The following SCHIP1 variants were observed in gnomAD, a reference collection of about 807,000 sequenced individuals.
The protein encoded by SCHIP1 is schwannomin-interacting protein 1.
Under a neutral mutation model 29.7 loss-of-function variants are expected in SCHIP1, and 8 were observed. The ratio of observed to expected loss-of-function variants is 0.27; its 90% CI spans 0.16 to 0.49. The LOEUF is 0.49. Among genes scored for constraint, SCHIP1 ranks in the 20% least tolerant of loss-of-function variants. SCHIP1 has a pLI of 0.99. For synonymous variants in SCHIP1, 76 were observed against 94.9 expected, an observed-to-expected ratio of 0.80 and a Z score of 1.16; for missense variants, 193 against 294.6, an observed-to-expected ratio of 0.66 and a Z score of 2.52.
the SCHIP1 span, among the ~76,000 whole-genome samples, chr3:159,363,092 C>G: frequency 0.2 from 30,582 of 152,144 alleles, 4,330 homozygotes; most frequent in African/African-American, 0.39. Flanking sequence ...CAAATGTATA[C>G]TTACTCTTCT....
chr3:159,804,279 A>G, the SCHIP1 span, among the ~76,000 whole-genome samples: 1 of 152,170 alleles, frequency 6.6e-6, no homozygotes, highest in Admixed American at 6.5e-5. Flanking sequence ...GAGAGCTGGA[A>G]CTGGAGGCCT....
the SCHIP1 span, among the ~76,000 whole-genome samples, chr3:159,671,902 G>A: frequency 6.6e-6 from 1 of 152,160 alleles, no homozygotes; most frequent in African/African-American, 2.4e-5. Context: ...AAGCCTCCAT[G>A]TATTTCCCCA....
chr3:159,347,316 A>G, the SCHIP1 span, among the ~76,000 whole-genome samples: 3 of 152,328 alleles, frequency 2.0e-5, no homozygotes, highest in Non-Finnish European at 4.4e-5. Flanking sequence ...TAATCTCAGC[A>G]TGTATTTAAA....
At chr3:159,456,612 G>A in the SCHIP1 span, among the ~76,000 whole-genome samples, 5 of 152,260 alleles carry the variant, frequency 3.3e-5, 1 homozygote, top group Admixed American at 2.6e-4. Flanking sequence ...GGGGACAGAA[G>A]GAAGAGGGCG....
At chr3:159,573,958 A>G in the SCHIP1 span, among the ~76,000 whole-genome samples, 7 of 152,214 alleles carry the variant, frequency 4.6e-5, no homozygotes, top group Non-Finnish European at 8.8e-5. Flanking sequence ...TTTCAGCTCC[A>G]TCAGGTCATT....
At chr3:159,325,682 C>A in the SCHIP1 span, among the ~76,000 whole-genome samples, 5 of 151,806 alleles carry the variant, frequency 3.3e-5, no homozygotes, top group Non-Finnish European at 7.4e-5. Context: ...TTGAAAATTT[C>A]TTTTTTTTAA....
At chr3:159,603,320 G>T in the SCHIP1 span, among the ~76,000 whole-genome samples, 1 of 152,156 alleles carries the variant, frequency 6.6e-6, no homozygotes. Flanking sequence ...TCCTTTTGAA[G>T]GATTTATGGA....
the SCHIP1 span, among the ~76,000 whole-genome samples, chr3:159,786,971 C>T: frequency 5.3e-5 from 8 of 152,142 alleles, no homozygotes; most frequent in African/African-American, 1.9e-4. Flanking sequence ...TGAGTAGGTG[C>T]GTGACTGGCC....
At chr3:159,393,466 A>T in the SCHIP1 span, among the ~76,000 whole-genome samples, 1 of 152,178 alleles carries the variant, frequency 6.6e-6, no homozygotes, top group South Asian at 2.1e-4. Context: ...GTAAGTCTTT[A>T]ATCCATCTTG....
At chr3:159,736,187 T>G in the SCHIP1 span, among the ~76,000 whole-genome samples, 2 of 152,338 alleles carry the variant, frequency 1.3e-5, no homozygotes, top group East Asian at 3.9e-4. Flanking sequence ...GTAAGTTATG[T>G]TTCTAATTAG....
the SCHIP1 span, among the ~76,000 whole-genome samples, chr3:159,441,469 T>A: frequency 6.6e-6 from 1 of 151,818 alleles, no homozygotes; most frequent in South Asian, 2.1e-4. Flanking sequence ...AGCAGCCAGG[T>A]TTTTTTTGGC....
chr3:159,779,680 A>G, the SCHIP1 span, among the ~76,000 whole-genome samples: 2 of 151,652 alleles, frequency 1.3e-5, no homozygotes, highest in Non-Finnish European at 2.9e-5. Context: ...TCAAAAAAAA[A>G]AGAAGGATGT....
the SCHIP1 span, among the ~76,000 whole-genome samples, chr3:159,714,578 C>T: frequency 2.5e-4 from 38 of 152,254 alleles, no homozygotes; most frequent in Non-Finnish European, 4.6e-4. Context: ...TCTTAGCAAA[C>T]GGCACACCAG....
the SCHIP1 span, among the ~76,000 whole-genome samples, chr3:159,700,220 A>C: frequency 6.6e-6 from 1 of 152,268 alleles, no homozygotes; most frequent in Non-Finnish European, 1.5e-5. Flanking sequence ...TGCAGTATAC[A>C]CAGGAAATAG....
At chr3:159,411,581 A>G in the SCHIP1 span, among the ~76,000 whole-genome samples, 1 of 152,162 alleles carries the variant, frequency 6.6e-6, no homozygotes, top group South Asian at 2.1e-4. Context: ...TAAATAATAA[A>G]TCTTAGAAGT....
the SCHIP1 span, among the ~76,000 whole-genome samples, chr3:159,801,116 T>C: frequency 1.3e-5 from 2 of 152,130 alleles, no homozygotes; most frequent in Admixed American, 6.6e-5. Context: ...TAGTCTCTCA[T>C]TATATCAAAT....
At chr3:159,522,243 G>T in the SCHIP1 span, among the ~76,000 whole-genome samples, 75 of 152,294 alleles carry the variant, frequency 4.9e-4, no homozygotes, top group African/African-American at 1.6e-3. Flanking sequence ...AAATGATAGA[G>T]TATAAACACA....
chr3:159,329,098 C>T, the SCHIP1 span, among the ~76,000 whole-genome samples: 2 of 152,012 alleles, frequency 1.3e-5, no homozygotes, highest in African/African-American at 4.8e-5. Context: ...TCTGTACCCC[C>T]GGGGAGCTTA....
chr3:159,732,138 G>A, the SCHIP1 span, among the ~76,000 whole-genome samples: 16 of 152,204 alleles, frequency 1.1e-4, no homozygotes, highest in Non-Finnish European at 2.1e-4. Flanking sequence ...GAGCCACCAC[G>A]CCTGGCCCCT....
Sources: gnomAD v4.1 joint callset for allele counts (sites outside exome capture counted in the v4.1 genomes callset) on GRCh38, gnomAD v4.1.1 for gene constraint, MANE v1.5 for transcripts, NCBI Gene and HGNC (gene_info 2026-07-23, HGNC 2026-07-21) for gene names.